Variants in MRPL18 observed in about 807,000 individuals in gnomAD.
The protein encoded by MRPL18 is large ribosomal subunit protein uL18m.
A neutral mutation model predicts 20.9 loss-of-function variants in MRPL18; 16 were observed. The observed-to-expected ratio is 0.76, with a 90% CI of 0.52 to 1.16. MRPL18 has a LOEUF of 1.16. Among genes scored for constraint, MRPL18 ranks in the 50% most tolerant of loss-of-function variants. The pLI, the probability that MRPL18 is intolerant of heterozygous loss-of-function variation, is 0.00. For synonymous variants in MRPL18, 91 were observed against 87.1 expected, an observed-to-expected ratio of 1.04 and a Z score of -0.25; for missense variants, 233 against 230.6, an observed-to-expected ratio of 1.01 and a Z score of -0.07.
chr6:159,791,775 C>T (rs1382965856), intron 2 of MRPL18, among the ~76,000 whole-genome samples: 1 of 152,108 alleles, frequency 6.6e-6, no homozygotes, highest in African/African-American at 2.4e-5. Flanking sequence ...CGTGGTGGTG[C>T]ACGCCTGTAA....
chr6:159,797,198 A>C, intron 2 of MRPL18, 89 bp from the exon 3 acceptor site: 1 of 1,256,356 alleles, frequency 8.0e-7, no homozygotes, highest in Non-Finnish European at 1.1e-6. Flanking sequence ...TGGATTGTTG[A>C]AAAATATTTA....
chr6:159,790,934 G>A lies in MRPL18; in HGVS notation c.53-6G>A. 2 of 1,613,792 alleles carry A rather than the reference G, an allele frequency of 1.2e-6. 1 individual carries two copies. Among genetic ancestry groups the A allele is most frequent in the South Asian group, 2.2e-5 (2 of 91,050 alleles). ...TAAGCCCTGTGCGGTTTTTCCCGTT[G>A]CCCAGGGTGCAGGTTCGCAGCCCTG... On this transcript the variant is annotated splice_region_variant and splice_polypyrimidine_tract_variant and intron_variant, in intron 1 of 3. Coordinates refer to ENST00000367034, the MANE Select transcript of MRPL18 (RefSeq NM_014161.5).
chr6:159,795,151 G>A (rs1291115863), intron 2 of MRPL18, among the ~76,000 whole-genome samples: 1 of 152,216 alleles, frequency 6.6e-6, no homozygotes, highest in Non-Finnish European at 1.5e-5. Context: ...TAGATGGAAC[G>A]TACAATCGGG....
Position 159,797,343 on chromosome 6 carries a change from G to A in MRPL18, c.296G>A (p.Gly99Asp). 6.2e-7 allele frequency: 1 copy of A among 1,614,192 alleles called. No individual in the cohort carries two copies. The highest frequency in any genetic ancestry group is 8.5e-7 in the Non-Finnish European group (1 of 1,180,044). Residue 99 changes from glycine to aspartate, a missense_variant, in exon 3 of 4, where the codon GGC (glycine) becomes GAC (aspartate). Coordinates refer to ENST00000367034, the MANE Select transcript of MRPL18 (RefSeq NM_014161.5). ...GAAGCACTTGTGGAGCATCAGAATG[G>A]CAAGGTTGTGGTTTCGGCCTCCACT... ...HVEALVEHQN[G>D]KVVVSASTRE...
intron 2 of MRPL18, among the ~76,000 whole-genome samples, chr6:159,794,355 T>G (rs1780980925): frequency 6.6e-6 from 1 of 152,172 alleles, no homozygotes; most frequent in Non-Finnish European, 1.5e-5. Context: ...TTAATCTTTT[T>G]CAAGTTACTT....
rs746815205 is a variant in MRPL18 at position 159,790,594 on chromosome 6, C to T, written c.7C>T (p.Leu3Phe). The T allele has an allele frequency of 6.4e-7, 1 of 1,573,396 alleles. No homozygotes were observed. The highest frequency in any genetic ancestry group is 8.6e-7 in the Non-Finnish European group (1 of 1,161,512). Residue 3 changes from leucine to phenylalanine, a missense_variant, in exon 1 of 4, where the codon CTT (leucine) becomes TTT (phenylalanine). Transcript: ENST00000367034. MALRSRFWGLFSV... is the reference protein window; with the variant it reads MAFRSRFWGLFSV... ...TTCCGAGATCGTCTCAGCGATGGCG[C>T]TTCGGTCGCGGTTTTGGGGGTTGTT...
chr6:159,795,758 T>C (rs1487360600), intron 2 of MRPL18, among the ~76,000 whole-genome samples: 1 of 152,184 alleles, frequency 6.6e-6, no homozygotes. Context: ...AATTAGCTCT[T>C]TGAACAATAT....
At position 159,790,564 on chromosome 6, in the gene MRPL18, G is replaced by A. The variant is rs374113838; in HGVS notation, c.-24G>A. ...GTCGTCCGTGAGGAAAAAGAGGCGA[G>A]GCTTTTCCGAGATCGTCTCAGCGAT... On this transcript the variant is annotated 5_prime_UTR_variant, in exon 1 of 4. Coordinates refer to ENST00000367034, the MANE Select transcript of MRPL18 (RefSeq NM_014161.5). 4.5e-5 allele frequency: 73 copies of A among 1,613,922 alleles called. No individual in the cohort carries two copies. The African/African-American group carries it at 8.9e-4, about 20-fold the overall frequency.
At chr6:159,790,247 G>C (rs994858790), upstream of MRPL18, among the ~76,000 whole-genome samples, 1 of 152,156 alleles carries the variant, frequency 6.6e-6, no homozygotes, top group Non-Finnish European at 1.5e-5. Flanking sequence ...CAAGCTCTCC[G>C]AGTAGAAAAC....
At chr6:159,794,404 T>C (rs1462405693) in intron 2 of MRPL18, among the ~76,000 whole-genome samples, 1 of 152,146 alleles carries the variant, frequency 6.6e-6, no homozygotes, top group Non-Finnish European at 1.5e-5. Flanking sequence ...AAAAAAAATA[T>C]AGAAAAAATA....
chr6:159,792,646 T>C (rs1780929752), intron 2 of MRPL18, among the ~76,000 whole-genome samples: 1 of 152,224 alleles, frequency 6.6e-6, no homozygotes, highest in South Asian at 2.1e-4. Context: ...TTCTTTTTTC[T>C]TTGTTTTTGA....
chr6:159,790,617 G>C lies in MRPL18; in HGVS notation c.30G>C (p.Leu10Phe), dbSNP rs200736058. 1 of 1,478,370 alleles carries C rather than the reference G, an allele frequency of 6.8e-7. No individual in the cohort carries two copies. The highest frequency in any genetic ancestry group is 9.0e-7 in the Non-Finnish European group (1 of 1,115,802). The allele number at this position is 1,478,370 out of a possible 1,614,324, so 91.6% of individuals were successfully genotyped here. A position where few individuals can be genotyped will look rare whatever the true frequency, so the allele number is the denominator to read the frequency against. Residue 10 changes from leucine (L) to phenylalanine (F), a missense_variant, in exon 1 of 4, where the codon TTG becomes TTC. By Grantham distance (22) the Leu-to-Phe change is conservative. Coordinates refer to ENST00000367034, the MANE Select transcript of MRPL18 (RefSeq NM_014161.5). ...CGCTTCGGTCGCGGTTTTGGGGGTT[G>C]TTCTCGGTTTGCAGGAACCCTGGTA... MALRSRFWG[L>F]FSVCRNPGCR... is the part of the protein sequence containing the mutation.
intron 3 of MRPL18, 49 bp from the exon 4 acceptor site, chr6:159,798,003 C>T (rs7752664): frequency 0.028 from 41,908 of 1,470,928 alleles, 872 homozygotes; most frequent in African/African-American, 0.08. Context: ...TCAGCCTACT[C>T]GTGCTGCTGA....
intron 2 of MRPL18, among the ~76,000 whole-genome samples, chr6:159,793,680 C>T (rs1168636599): frequency 6.6e-6 from 1 of 152,198 alleles, no homozygotes; most frequent in South Asian, 2.1e-4. Flanking sequence ...GAGGTCGAGG[C>T]GGGCGGATCA....
intron 2 of MRPL18, among the ~76,000 whole-genome samples, chr6:159,792,787 GC>G (rs1280361324): frequency 1.4e-4 from 21 of 152,132 alleles, no homozygotes; most frequent in African/African-American, 4.8e-4. Context: ...AGAGGCGCAT[GC>G]CATTACTCCC....
Position 159,798,230 on chromosome 6 carries a change from T to C in MRPL18, c.*107T>C. 3 of 865,226 alleles carry C rather than the reference T, an allele frequency of 3.5e-6. No individual in the cohort carries two copies. The highest frequency in any genetic ancestry group is 5.4e-6 in the Non-Finnish European group (3 of 553,192). The allele number at this position is 865,226 out of a possible 1,614,324, so 53.6% of individuals were successfully genotyped here. A position where few individuals can be genotyped will look rare whatever the true frequency, so the allele number is the denominator to read the frequency against. On this transcript the variant is annotated 3_prime_UTR_variant, in exon 4 of 4. Transcript: ENST00000367034. ...AGCCAGCTTGGAAGTTTTACAGCAA[T>C]AATGTTGCAGTGGAATATTATTTGT...
At chr6:159,794,475 T>A (rs954305133) in intron 2 of MRPL18, among the ~76,000 whole-genome samples, 1 of 152,252 alleles carries the variant, frequency 6.6e-6, no homozygotes, top group African/African-American at 2.4e-5. Flanking sequence ...ATATACTAAG[T>A]GCTCAGTAAA....
At chr6:159,791,778 G>A (rs537229437) in intron 2 of MRPL18, among the ~76,000 whole-genome samples, 2 of 152,250 alleles carry the variant, frequency 1.3e-5, no homozygotes, top group Non-Finnish European at 1.5e-5. Flanking sequence ...GGTGGTGCAC[G>A]CCTGTAATCC....
At chr6:159,795,011 T>C (rs1455978164) in intron 2 of MRPL18, among the ~76,000 whole-genome samples, 1 of 152,222 alleles carries the variant, frequency 6.6e-6, no homozygotes, top group East Asian at 1.9e-4. Context: ...CTTTGCATCA[T>C]AGACAAAGTA....
Sources: allele counts gnomAD v4.1 joint callset (sites outside exome capture counted in the v4.1 genomes callset), GRCh38; gene constraint gnomAD v4.1.1; transcripts MANE v1.5; gene names NCBI Gene and HGNC (gene_info 2026-07-23, HGNC 2026-07-21).